The following APLF variants were observed in gnomAD, a reference collection of about 807,000 sequenced individuals.
APLF encodes aprataxin and PNK-like factor.
In APLF, 61 loss-of-function variants were observed where a neutral mutation model predicts 55.6. That is an observed-to-expected ratio of 1.10 (90% CI 0.89 to 1.36). The LOEUF (loss-of-function observed/expected upper bound fraction) is 1.36, where lower values mean the gene tolerates loss of function less well. Ranked by LOEUF, APLF falls within the 40% of genes most tolerant of loss-of-function variation. APLF has a pLI of 0.00. For missense variants in APLF, 611 were observed against 602.5 expected, an observed-to-expected ratio of 1.01 and a Z score of -0.15; for synonymous variants, 207 against 214.8, an observed-to-expected ratio of 0.96 and a Z score of 0.32.
chr2:68,468,654 A>G (rs1452051091), intron 1 of APLF, among the ~76,000 whole-genome samples: 3 of 152,242 alleles, frequency 2.0e-5, no homozygotes, highest in Non-Finnish European at 4.4e-5. Context: ...CTGGAATTCT[A>G]TAGATCTCTT....
At chr2:68,513,760 A>G (rs755383099) in intron 5 of APLF, 80 bp downstream of exon 5, 87 of 1,495,868 alleles carry the variant, frequency 5.8e-5, no homozygotes, top group Non-Finnish European at 7.7e-5. Context: ...GAAAAACTAT[A>G]AACTAGTTCT....
chr2:68,513,118 A>T lies in APLF; in HGVS notation c.380A>T (p.Glu127Val). The T allele has an allele frequency of 1.2e-6, 2 of 1,610,874 alleles. No individual in the cohort carries two copies. Among genetic ancestry groups the T allele is most frequent in the Non-Finnish European group, 1.7e-6 (2 of 1,178,000 alleles). The change falls in exon 4 of 10, where the codon GAA becomes GTA. Residue 127 changes from glutamate to valine, a missense_variant. Transcript: ENST00000303795. ...QVLDEDNILNETPKSPVINLP... is the reference protein window; with the variant it reads ...QVLDEDNILNVTPKSPVINLP... ...CTTGATGAAGATAATATATTGAATGAAACACCAAAATCCCCCGTGATTAAT... is the reference window on the plus strand; with the variant it reads ...CTTGATGAAGATAATATATTGAATGTAACACCAAAATCCCCCGTGATTAAT...
intron 1 of APLF, among the ~76,000 whole-genome samples, chr2:68,472,422 A>G (rs534553733): frequency 6.6e-6 from 1 of 152,304 alleles, no homozygotes; most frequent in African/African-American, 2.4e-5. Context: ...AAGTCACGTT[A>G]TACAGGGTTA....
chr2:68,577,161 C>T (rs367778037), intron 9 of APLF, among the ~76,000 whole-genome samples: 3 of 152,184 alleles, frequency 2.0e-5, no homozygotes, highest in South Asian at 2.1e-4. Flanking sequence ...TCTAAGCTCA[C>T]GCCCTGATGT....
At chr2:68,487,626 T>C (rs1381866374) in intron 1 of APLF, among the ~76,000 whole-genome samples, 1 of 152,204 alleles carries the variant, frequency 6.6e-6, no homozygotes, top group Non-Finnish European at 1.5e-5. Flanking sequence ...ATATTCACTC[T>C]GTATAAGGAG....
chr2:68,532,808 A>G (rs189055306), intron 6 of APLF, among the ~76,000 whole-genome samples: 113 of 151,640 alleles, frequency 7.5e-4, no homozygotes, highest in Admixed American at 1.4e-3. Context: ...GAGTGTTTTT[A>G]TCTCCTCTAA....
At chr2:68,577,185 T>C (rs1671650380) in intron 9 of APLF, among the ~76,000 whole-genome samples, 1 of 152,224 alleles carries the variant, frequency 6.6e-6, no homozygotes, top group Admixed American at 6.6e-5. Flanking sequence ...AGCAAGCTTT[T>C]GCTAGGTTTG....
intron 1 of APLF, among the ~76,000 whole-genome samples, chr2:68,473,137 G>A (rs1404824053): frequency 6.6e-6 from 1 of 152,104 alleles, no homozygotes; most frequent in African/African-American, 2.4e-5. Context: ...ACACAGAGTT[G>A]TTCCACTGCC....
chr2:68,570,715 C>T lies in APLF; in HGVS notation c.1333+3328C>T, dbSNP rs560951620. Among the ~76,000 whole-genome samples, 380 of 152,264 alleles carry T rather than the reference C, an allele frequency of 2.5e-3. 1 individual carries two copies. The highest frequency in any genetic ancestry group is 3.9e-3 in the Non-Finnish European group (264 of 68,018). On this transcript the variant is annotated intron_variant, in intron 9 of 9. Coordinates refer to ENST00000303795, the MANE Select transcript of APLF (RefSeq NM_173545.3). The stretch of plus-strand genomic sequence containing the variant: ...TCATTGTTGGACATTTGGGTTAGTT[C>T]CAAGTCTTTGCTATTGTGAGTAGTG...
At position 68,545,105 on chromosome 2, in the gene APLF, T is replaced by C. The variant is rs1670663907; in HGVS notation, c.1161-82T>C. 3 of 1,501,232 alleles carry C rather than the reference T, an allele frequency of 2.0e-6. No homozygotes were observed. In the African/African-American group the frequency reaches 4.2e-5, roughly 21 times the overall value. 93.0% of individuals were successfully genotyped at this position (1,501,232 alleles called of 1,614,324 possible). A position where few individuals can be genotyped will look rare whatever the true frequency, so the allele number is the denominator to read the frequency against. Reference sequence around the variant, plus strand: ...ATGTTCAAGGATAGCCAGATGTGGATTGTCTGGTTTCCTGCTATATCCACT... The same window carrying C: ...ATGTTCAAGGATAGCCAGATGTGGACTGTCTGGTTTCCTGCTATATCCACT... On this transcript the variant is annotated intron_variant, in intron 7 of 9. Transcript: ENST00000303795.
chr2:68,553,730 G>C (rs1320754573), intron 8 of APLF, among the ~76,000 whole-genome samples: 1 of 152,152 alleles, frequency 6.6e-6, no homozygotes, highest in South Asian at 2.1e-4. Context: ...TGATAAGCCT[G>C]TTTTCCATGA....
intron 2 of APLF, among the ~76,000 whole-genome samples, chr2:68,491,235 A>G (rs747387284): frequency 3.9e-5 from 6 of 152,178 alleles, no homozygotes; most frequent in Non-Finnish European, 4.4e-5. Context: ...TGGAGTCAAC[A>G]CTTCTTTAGG....
At chr2:68,545,446 C>A in intron 8 of APLF, 134 bp downstream of exon 8, 1 of 1,141,222 alleles carries the variant, frequency 8.8e-7, no homozygotes, top group East Asian at 2.5e-5. Context: ...TACAGGTTTT[C>A]ATGTTGGTAA....
chr2:68,518,297 A>C (rs1255018926), intron 5 of APLF, among the ~76,000 whole-genome samples: 1 of 114,792 alleles, frequency 8.7e-6, no homozygotes, highest in African/African-American at 3.6e-5. Context: ...TAATATATTA[A>C]TATATTATAT....
chr2:68,551,277 A>G (rs1231237400), intron 8 of APLF, among the ~76,000 whole-genome samples: 1 of 151,904 alleles, frequency 6.6e-6, no homozygotes, highest in Non-Finnish European at 1.5e-5. Context: ...TAAGATTTTT[A>G]TCTTTGCCTT....
At position 68,502,755 on chromosome 2, in the gene APLF, C is replaced by G. The variant is rs905651377; in HGVS notation, c.193C>G (p.Gln65Glu). Reference sequence around the variant, plus strand: ...GATACACACAAATCCATGTTTTTACCAGTCTTCAGAGAAGAGTCAGCTCTT... The same window carrying G: ...GATACACACAAATCCATGTTTTTACGAGTCTTCAGAGAAGAGTCAGCTCTT... The part of the protein sequence containing the change: ...KPIHTNPCFY[Q>E]SSEKSQLLPL... The change falls in exon 3 of 10, where the codon CAG (glutamine) becomes GAG (glutamate). Residue 65 changes from glutamine to glutamate, a missense_variant. By Grantham distance (29) the Gln-to-Glu change is conservative (BLOSUM62 2). Transcript: ENST00000303795. 2 of 1,536,806 alleles carry G rather than the reference C, an allele frequency of 1.3e-6. No individual in the cohort carries two copies. Among genetic ancestry groups the G allele is most frequent in the Admixed American group, 2.3e-5 (1 of 43,484 alleles).
intron 8 of APLF, among the ~76,000 whole-genome samples, chr2:68,545,693 A>C (rs1670685416): frequency 6.6e-6 from 1 of 152,144 alleles, no homozygotes; most frequent in South Asian, 2.1e-4. Context: ...CTACTCCACT[A>C]TTCTTGCCAA....
intron 2 of APLF, among the ~76,000 whole-genome samples, chr2:68,495,561 T>C (rs929009787): frequency 1.3e-5 from 2 of 152,218 alleles, no homozygotes; most frequent in African/African-American, 4.8e-5. Context: ...TTGGTAGATA[T>C]ACTATGTTTG....
intron 1 of APLF, among the ~76,000 whole-genome samples, chr2:68,481,314 A>T (rs1250794698): frequency 6.6e-6 from 1 of 152,104 alleles, no homozygotes; most frequent in Non-Finnish European, 1.5e-5. Context: ...TGTTTGGGAA[A>T]ACTTCATTTC....
Sources: gnomAD v4.1 joint callset for allele counts (sites outside exome capture counted in the v4.1 genomes callset) on GRCh38, gnomAD v4.1.1 for gene constraint, MANE v1.5 for transcripts, NCBI Gene and HGNC (gene_info 2026-07-23, HGNC 2026-07-21) for gene names.